SGCZ: variants seen among roughly 807,000 people sequenced by gnomAD.
The protein encoded by SGCZ is zeta-sarcoglycan.
Under a neutral mutation model 41.3 loss-of-function variants are expected in SGCZ, and 40 were observed. The ratio of observed to expected loss-of-function variants is 0.97; its 90% CI spans 0.75 to 1.26. The LOEUF (loss-of-function observed/expected upper bound fraction) is 1.26. Ranked by LOEUF, SGCZ falls within the 50% of genes most tolerant of loss-of-function variation. The pLI, the probability that SGCZ is intolerant of heterozygous loss-of-function variation, is 0.00. For missense variants in SGCZ, 552 were observed against 369.8 expected, an observed-to-expected ratio of 1.49 and a Z score of -4.04; for synonymous variants, 206 against 137.5, an observed-to-expected ratio of 1.50 and a Z score of -3.49.
Position 14,571,364 on chromosome 8 carries a change from G to A in SGCZ, c.40-16438C>T, listed in dbSNP as rs552239224. 9.9e-5 allele frequency among the ~76,000 whole-genome samples: 15 copies of A among 152,272 alleles called. No individual in the cohort carries two copies. The South Asian group carries it at 2.9e-3, about 29-fold the overall frequency. ...CATATCAACAATTGCAAATGTATTT[G>A]CATTAATGTTGCTGTAATCAAACCA... On this transcript the variant is annotated intron_variant, in intron 1 of 7. Coordinates refer to ENST00000382080, the MANE Select transcript of SGCZ (RefSeq NM_139167.4).
intron 3 of SGCZ, among the ~76,000 whole-genome samples, chr8:14,283,362 T>C (rs1800515593): frequency 6.6e-6 from 1 of 152,176 alleles, no homozygotes; most frequent in Non-Finnish European, 1.5e-5. Context: ...TCTCAGCATA[T>C]TACTACACGT....
At chr8:14,639,217 T>C (rs28754477) in intron 1 of SGCZ, among the ~76,000 whole-genome samples, 3,232 of 151,530 alleles carry the variant, frequency 0.021, 111 homozygotes, top group African/African-American at 0.073. Flanking sequence ...ATCAGAAGGA[T>C]TCTGCTGAAA....
intron 7 of SGCZ, among the ~76,000 whole-genome samples, chr8:14,100,004 T>TTAAAAACTATCTAAGGATA (rs1236644251): frequency 2.0e-5 from 3 of 152,156 alleles, no homozygotes; most frequent in Non-Finnish European, 4.4e-5. Context: ...ACTAAGTAGT[T>TTAAAAACTATCTAAGGATA]TAAAAACTAT....
At chr8:15,184,533 C>T (rs914976454) in intron 1 of SGCZ, among the ~76,000 whole-genome samples, 5 of 124,664 alleles carry the variant, frequency 4.0e-5, no homozygotes, top group Non-Finnish European at 5.8e-5. Context: ...TGTCCTACAC[C>T]AGGCCTCGGG....
intron 2 of SGCZ, among the ~76,000 whole-genome samples, chr8:14,437,912 T>TA (rs1373253670): frequency 2.0e-5 from 3 of 151,970 alleles, no homozygotes; most frequent in Non-Finnish European, 4.4e-5. Flanking sequence ...TTCATAGATG[T>TA]AAAGCTAGAT....
At chr8:14,654,930 G>A (rs1332213315) in intron 1 of SGCZ, among the ~76,000 whole-genome samples, 1 of 151,966 alleles carries the variant, frequency 6.6e-6, no homozygotes, top group Non-Finnish European at 1.5e-5. Context: ...CTCCCAAAGT[G>A]CTGGGACTAC....
chr8:15,200,923 G>C (rs763581294), intron 1 of SGCZ, among the ~76,000 whole-genome samples: 1 of 152,062 alleles, frequency 6.6e-6, no homozygotes, highest in East Asian at 1.9e-4. Flanking sequence ...CATTCTGTTG[G>C]TCTCTAAATA....
At chr8:14,616,261 C>A (rs576418957) in intron 1 of SGCZ, among the ~76,000 whole-genome samples, 1 of 149,628 alleles carries the variant, frequency 6.7e-6, no homozygotes, top group South Asian at 2.2e-4. Context: ...CCAACCTGGG[C>A]CACAGAGCGA....
intron 5 of SGCZ, among the ~76,000 whole-genome samples, chr8:14,117,451 G>C (rs1221273679): frequency 1.4e-5 from 2 of 141,574 alleles, no homozygotes; most frequent in East Asian, 2.1e-4. Context: ...TGAATGCAGA[G>C]TATAGCATCT....
chr8:14,507,235 C>G (rs1802332268), intron 2 of SGCZ, among the ~76,000 whole-genome samples: 1 of 150,018 alleles, frequency 6.7e-6, no homozygotes, highest in Non-Finnish European at 1.5e-5. Context: ...CCATTCGCAC[C>G]AGCACTGCTA....
At chr8:14,580,429 T>C (rs1055578706) in intron 1 of SGCZ, among the ~76,000 whole-genome samples, 3 of 152,186 alleles carry the variant, frequency 2.0e-5, no homozygotes, top group African/African-American at 7.2e-5. Flanking sequence ...CACAGTTAAA[T>C]AGAAGTTAGA....
chr8:14,313,690 A>G (rs1801618616), intron 3 of SGCZ, among the ~76,000 whole-genome samples: 1 of 152,178 alleles, frequency 6.6e-6, no homozygotes, highest in Non-Finnish European at 1.5e-5. Context: ...ATTTTAAGGA[A>G]TTTAAAGATA....
At chr8:14,738,800 C>A (rs1312430929) in intron 1 of SGCZ, among the ~76,000 whole-genome samples, 1 of 151,976 alleles carries the variant, frequency 6.6e-6, no homozygotes, top group Admixed American at 6.6e-5. Flanking sequence ...TGATATTGTT[C>A]CTGTGAGTCT....
intron 2 of SGCZ, among the ~76,000 whole-genome samples, chr8:14,532,512 C>T (rs370523958): frequency 2.0e-5 from 3 of 151,778 alleles, no homozygotes; most frequent in African/African-American, 4.8e-5. Context: ...GAAGAATAAG[C>T]GAATAAGCAG....
intron 2 of SGCZ, among the ~76,000 whole-genome samples, chr8:14,450,385 A>C (rs1563337381): frequency 6.6e-6 from 1 of 152,226 alleles, no homozygotes; most frequent in East Asian, 1.9e-4. Context: ...AAATGTAGAA[A>C]TTGGCTTTAT....
At chr8:14,602,025 C>T (rs1190389749) in intron 1 of SGCZ, among the ~76,000 whole-genome samples, 1 of 152,014 alleles carries the variant, frequency 6.6e-6, no homozygotes, top group African/African-American at 2.4e-5. Flanking sequence ...GAGGCTGAGG[C>T]AGGAGAATGG....
intron 5 of SGCZ, among the ~76,000 whole-genome samples, chr8:14,158,670 A>G (rs1262582001): frequency 2.0e-5 from 3 of 152,226 alleles, no homozygotes; most frequent in Non-Finnish European, 2.9e-5. Context: ...CCGCATGAGC[A>G]GCCAGCAGTG....
intron 3 of SGCZ, among the ~76,000 whole-genome samples, chr8:14,297,899 G>A (rs1463954545): frequency 6.6e-6 from 1 of 151,494 alleles, no homozygotes; most frequent in East Asian, 2.0e-4. Context: ...TTAGGAGGGA[G>A]AATGAATGGT....
At chr8:14,714,257 G>A (rs1056288914) in intron 1 of SGCZ, among the ~76,000 whole-genome samples, 4 of 151,984 alleles carry the variant, frequency 2.6e-5, no homozygotes, top group East Asian at 3.9e-4. Flanking sequence ...ATGAGCCACC[G>A]TGTCCGACCC....
Sources: gnomAD v4.1 joint callset for allele counts (sites outside exome capture counted in the v4.1 genomes callset) on GRCh38, gnomAD v4.1.1 for gene constraint, MANE v1.5 for transcripts, NCBI Gene and HGNC (gene_info 2026-07-23, HGNC 2026-07-21) for gene names.